GLIS1: variants seen among roughly 807,000 people sequenced by gnomAD.
GLIS1 encodes zinc finger protein GLIS1.
A neutral mutation model predicts 63.8 loss-of-function variants in GLIS1; 24 were observed. That is an observed-to-expected ratio of 0.38 (90% CI 0.27 to 0.53). GLIS1 has a LOEUF of 0.53. Among genes scored for constraint, GLIS1 ranks in the 20% least tolerant of loss-of-function variants. The pLI, the probability that GLIS1 is intolerant of heterozygous loss-of-function variation, is 0.85. For synonymous variants in GLIS1, 450 were observed against 482.5 expected (o/e 0.93, Z 0.88); for missense variants, 1,036 against 1,074.1 (o/e 0.96, Z 0.50).
chr1:53,675,001 G>A (rs572848839), intron 2 of GLIS1, among the ~76,000 whole-genome samples: 1 of 152,186 alleles, frequency 6.6e-6, no homozygotes, highest in Non-Finnish European at 1.5e-5. Context: ...GGAGCGGCAG[G>A]GACAGTCTGC....
At position 53,594,119 on chromosome 1, in the gene GLIS1, T is replaced by C; in HGVS notation, c.1309A>G (p.Asn437Asp). ...HMRVHSGEKP[N>D]KCMFEGCSKA... ...CGGTGGGAACTCACCATGCACTTGT[T>C]GGGCTTCTCGCCCGAGTGCACTCGC... Residue 437 changes from asparagine (N) to aspartate (D), a missense_variant, in exon 4 of 11, where the codon AAC (asparagine) becomes GAC (aspartate). Coordinates refer to ENST00000628545, the MANE Select transcript of GLIS1 (RefSeq NM_001367484.1). The C allele has an allele frequency of 6.2e-7, 1 of 1,609,564 alleles. No individual in the cohort carries two copies. Among genetic ancestry groups the C allele is most frequent in the Non-Finnish European group, 8.5e-7 (1 of 1,176,688 alleles).
chr1:53,508,259 C>T (rs796639591), intron 10 of GLIS1, among the ~76,000 whole-genome samples: 13 of 152,354 alleles, frequency 8.5e-5, no homozygotes, highest in African/African-American at 2.6e-4. Context: ...CACGGGCACA[C>T]GCAGACACCT....
chr1:53,683,232 A>G (rs1646294907), intron 2 of GLIS1, among the ~76,000 whole-genome samples: 1 of 152,174 alleles, frequency 6.6e-6, no homozygotes, highest in African/African-American at 2.4e-5. Context: ...CCTCCTGAAC[A>G]TCTACCAATG....
At chr1:53,579,552 C>T (rs181078858) in intron 4 of GLIS1, among the ~76,000 whole-genome samples, 7 of 152,338 alleles carry the variant, frequency 4.6e-5, no homozygotes, top group South Asian at 4.1e-4. Flanking sequence ...GCTGGTGCTT[C>T]GAAGCCATGA....
chr1:53,727,662 A>C (rs755110598), intron 2 of GLIS1, among the ~76,000 whole-genome samples: 1 of 152,196 alleles, frequency 6.6e-6, no homozygotes, highest in Non-Finnish European at 1.5e-5. Context: ...CTGGCCTGGC[A>C]GCTCCAAAGG....
chr1:53,654,823 T>C (rs1645947240), intron 2 of GLIS1, among the ~76,000 whole-genome samples: 1 of 149,710 alleles, frequency 6.7e-6, no homozygotes, highest in African/African-American at 2.5e-5. Context: ...CCGAGAAAAA[T>C]GGAGAGAGAG....
intron 2 of GLIS1, among the ~76,000 whole-genome samples, chr1:53,631,340 C>T (rs1645649938): frequency 1.3e-5 from 2 of 152,076 alleles, no homozygotes; most frequent in Non-Finnish European, 2.9e-5. Flanking sequence ...CTTTATTTTC[C>T]CCCAAATAGT....
At chr1:53,736,615 T>A (rs1422600620) in intron 2 of GLIS1, among the ~76,000 whole-genome samples, 1 of 152,134 alleles carries the variant, frequency 6.6e-6, no homozygotes, top group Non-Finnish European at 1.5e-5. Flanking sequence ...CCCCACTGTA[T>A]CTGTCCTTCT....
At chr1:53,533,505 G>A (rs553808444) in intron 4 of GLIS1, among the ~76,000 whole-genome samples, 152 of 152,356 alleles carry the variant, frequency 1.0e-3, no homozygotes, top group South Asian at 2.9e-3. Context: ...CCGCCCCCTG[G>A]AACTTTCCAG....
Position 53,600,295 on chromosome 1 carries a change from A to C in GLIS1, c.260-17T>G, listed in dbSNP as rs1645303233. 1 of 1,229,954 alleles carries C rather than the reference A, an allele frequency of 8.1e-7. No homozygotes were observed. The highest frequency in any genetic ancestry group is 1.0e-6 in the Non-Finnish European group (1 of 985,914). 76.2% of individuals were successfully genotyped at this position (1,229,954 alleles called of 1,614,324 possible). A position where few individuals can be genotyped will look rare whatever the true frequency, so the allele number is the denominator to read the frequency against. ...TCCCATTCACTAGGCAGAGAAAGAC[A>C]GGGAGAGAGGGACACAGTGAGTGGG... On this transcript the variant is annotated splice_polypyrimidine_tract_variant and intron_variant, in intron 2 of 10. Transcript: ENST00000628545.
intron 2 of GLIS1, among the ~76,000 whole-genome samples, chr1:53,734,633 T>G (rs910689215): frequency 6.6e-6 from 1 of 152,218 alleles, no homozygotes; most frequent in Non-Finnish European, 1.5e-5. Context: ...CTTCTACATC[T>G]GCTCCCTCAC....
At chr1:53,529,586 GCCT>G (rs530987328) in intron 5 of GLIS1, among the ~76,000 whole-genome samples, 8 of 152,196 alleles carry the variant, frequency 5.3e-5, no homozygotes, top group Non-Finnish European at 1.2e-4. Flanking sequence ...TGGGAACATT[GCCT>G]CCTATCTAGT....
rs548581260 is a variant in GLIS1, at chr1:53,605,609, G to A, written c.260-5331C>T. On this transcript the variant is annotated intron_variant, in intron 2 of 10. Coordinates refer to ENST00000628545, the MANE Select transcript of GLIS1 (RefSeq NM_001367484.1). ...CACAGATGCTTTCGGTGCAATGAAAGTCCTACCTCCCCTACGAGCCTGAGA... is the reference window on the plus strand; with the variant it reads ...CACAGATGCTTTCGGTGCAATGAAAATCCTACCTCCCCTACGAGCCTGAGA... 1.4e-3 allele frequency among the ~76,000 whole-genome samples: 211 copies of A among 152,330 alleles called. 1 individual carries two copies. The highest frequency in any genetic ancestry group is 0.01 in the Middle Eastern group (3 of 294).
chr1:53,620,321 C>T (rs1206786996), intron 2 of GLIS1, among the ~76,000 whole-genome samples: 1 of 152,220 alleles, frequency 6.6e-6, no homozygotes, highest in East Asian at 1.9e-4. Context: ...GCTGACATCG[C>T]AGTGTACCAC....
chr1:53,724,766 T>A (rs935462421), intron 2 of GLIS1, among the ~76,000 whole-genome samples: 9 of 152,158 alleles, frequency 5.9e-5, no homozygotes, highest in Non-Finnish European at 1.3e-4. Flanking sequence ...GCAATCCTCC[T>A]GGCTTCAAGC....
chr1:53,506,863 GC>G, intron 10 of GLIS1, 87 bp from the exon 11 acceptor site: 2 of 1,321,576 alleles, frequency 1.5e-6, no homozygotes, highest in Non-Finnish European at 1.0e-6. Context: ...CACCCCGCCT[GC>G]CCAGGGTCAT....
At chr1:53,682,210 T>C (rs1467205237) in intron 2 of GLIS1, among the ~76,000 whole-genome samples, 2 of 152,166 alleles carry the variant, frequency 1.3e-5, no homozygotes, top group Non-Finnish European at 2.9e-5. Context: ...GGACTCCGAC[T>C]CCAACTCCAG....
chr1:53,722,423 T>C (rs11206211), intron 2 of GLIS1, among the ~76,000 whole-genome samples: 39,640 of 152,156 alleles, frequency 0.26, 5,414 homozygotes, highest in African/African-American at 0.35. Flanking sequence ...ACATAAACTA[T>C]CTCTGAGAGG....
chr1:53,542,242 C>T (rs1644650876), intron 4 of GLIS1, among the ~76,000 whole-genome samples: 1 of 152,258 alleles, frequency 6.6e-6, no homozygotes, highest in African/African-American at 2.4e-5. Flanking sequence ...CACCTCCACT[C>T]AAGCGCCGGG....
Sources: gnomAD v4.1 joint callset for allele counts (sites outside exome capture counted in the v4.1 genomes callset) on GRCh38, gnomAD v4.1.1 for gene constraint, MANE v1.5 for transcripts, NCBI Gene and HGNC (gene_info 2026-07-23, HGNC 2026-07-21) for gene names.